KCTD8: variants seen among roughly 807,000 people sequenced by gnomAD.
KCTD8 encodes BTB/POZ domain-containing protein KCTD8.
KCTD8 carries 27 observed loss-of-function variants against 31.5 expected under a neutral mutation model. The observed-to-expected ratio is 0.86, with a 90% CI of 0.63 to 1.18. The LOEUF is 1.18. KCTD8 is among the 50% of genes most tolerant of loss of function. The pLI is 0.00. For missense variants in KCTD8, 658 were observed against 647.7 expected (o/e 1.02, Z -0.17); for synonymous variants, 290 against 280.0 (o/e 1.04, Z -0.36).
chr4:44,378,529 T>C (rs1266037789), intron 1 of KCTD8, among the ~76,000 whole-genome samples: 1 of 152,086 alleles, frequency 6.6e-6, no homozygotes. Context: ...TAACTGAATG[T>C]ATCACCTATC....
At chr4:44,282,839 G>T (rs569071626) in intron 1 of KCTD8, among the ~76,000 whole-genome samples, 9 of 152,112 alleles carry the variant, frequency 5.9e-5, no homozygotes, top group African/African-American at 1.7e-4. Context: ...GCTGAGAGAG[G>T]TGAGAAAGCT....
chr4:44,221,459 A>G (rs1228737775), intron 1 of KCTD8, among the ~76,000 whole-genome samples: 1 of 151,898 alleles, frequency 6.6e-6, no homozygotes, highest in African/African-American at 2.4e-5. Context: ...TATGAAAGGG[A>G]GTTTATTAAG....
At chr4:44,250,550 C>A (rs765577765) in intron 1 of KCTD8, among the ~76,000 whole-genome samples, 1 of 151,738 alleles carries the variant, frequency 6.6e-6, no homozygotes, top group African/African-American at 2.4e-5. Flanking sequence ...GAGATAGAAC[C>A]AGAATCTGCA....
chr4:44,436,141 G>A (rs1484646329), intron 1 of KCTD8, among the ~76,000 whole-genome samples: 1 of 152,074 alleles, frequency 6.6e-6, no homozygotes, highest in Non-Finnish European at 1.5e-5. Flanking sequence ...GGGCAAATTG[G>A]CACAGAATCA....
rs1714300097 is a variant in KCTD8 at position 44,206,182 on chromosome 4, A to C, written c.962-30932T>G. 2.0e-5 allele frequency among the ~76,000 whole-genome samples: 3 copies of C among 152,166 alleles called. No homozygotes were observed. The South Asian group carries it at 6.2e-4, about 31-fold the overall frequency. On this transcript the variant is annotated intron_variant, in intron 1 of 1. Coordinates refer to ENST00000360029, the MANE Select transcript of KCTD8 (RefSeq NM_198353.3). ...AACAAGAGCCCTGGCTTTAAGTCTC[A>C]GATTTGCTAACAAGTGGAGTTATCT...
intron 1 of KCTD8, among the ~76,000 whole-genome samples, chr4:44,362,364 A>G (rs1719519854): frequency 6.6e-6 from 1 of 152,140 alleles, no homozygotes; most frequent in Non-Finnish European, 1.5e-5. Flanking sequence ...TTCTGGTAAT[A>G]CTTCAACTTG....
chr4:44,364,914 G>C (rs78890080), intron 1 of KCTD8, among the ~76,000 whole-genome samples: 13,800 of 151,912 alleles, frequency 0.091, 665 homozygotes, highest in Middle Eastern at 0.13. Context: ...GGGAGTGAGG[G>C]AAGAAGGAGA....
chr4:44,335,754 T>C (rs1010818720), intron 1 of KCTD8, among the ~76,000 whole-genome samples: 5 of 152,078 alleles, frequency 3.3e-5, no homozygotes, highest in African/African-American at 4.8e-5. Flanking sequence ...ACAATATAGA[T>C]ACAGATACAA....
rs1577674326 is a variant in KCTD8 at position 44,443,164 on chromosome 4, A to G, written c.961+4399T>C. The stretch of plus-strand genomic sequence containing the variant: ...CTTTTGCTTATTCCTCACTAATTCA[A>G]AAGTCATTCAGCCATGTGGCTGCAG... On this transcript the variant is annotated intron_variant, in intron 1 of 1. Coordinates refer to ENST00000360029, the MANE Select transcript of KCTD8 (RefSeq NM_198353.3). 2.6e-5 allele frequency among the ~76,000 whole-genome samples: 4 copies of G among 152,352 alleles called. No homozygotes were observed. The East Asian group carries it at 7.7e-4, about 29-fold the overall frequency.
chr4:44,292,069 G>A (rs1352190181), intron 1 of KCTD8, among the ~76,000 whole-genome samples: 4 of 151,274 alleles, frequency 2.6e-5, no homozygotes, highest in African/African-American at 4.9e-5. Flanking sequence ...AAAGCAGTAC[G>A]CAGATTTAGT....
intron 1 of KCTD8, among the ~76,000 whole-genome samples, chr4:44,354,883 T>C (rs1399090618): frequency 6.6e-6 from 1 of 152,124 alleles, no homozygotes; most frequent in Non-Finnish European, 1.5e-5. Flanking sequence ...TAGTATGTAT[T>C]CCCAATCTGA....
chr4:44,240,875 A>C (rs914221771), intron 1 of KCTD8, among the ~76,000 whole-genome samples: 1 of 152,190 alleles, frequency 6.6e-6, no homozygotes, highest in Non-Finnish European at 1.5e-5. Context: ...GTATAAAATA[A>C]ATGGGAATTT....
intron 1 of KCTD8, among the ~76,000 whole-genome samples, chr4:44,337,595 A>G (rs549670944): frequency 2.6e-5 from 4 of 151,644 alleles, no homozygotes; most frequent in Admixed American, 2.6e-4. Context: ...AATCGTTTGA[A>G]TCCGGGAGGA....
intron 1 of KCTD8, among the ~76,000 whole-genome samples, chr4:44,362,819 C>T (rs1213372897): frequency 6.8e-6 from 1 of 147,150 alleles, no homozygotes; most frequent in Non-Finnish European, 1.5e-5. Context: ...CCATTTAGGA[C>T]CAAAAAAAAA....
At chr4:44,184,813 CCCA>C (rs1376085407) in intron 1 of KCTD8, among the ~76,000 whole-genome samples, 4 of 152,124 alleles carry the variant, frequency 2.6e-5, no homozygotes, top group African/African-American at 9.7e-5. Context: ...TAAGAATGCT[CCCA>C]CCACCCACAC....
At chr4:44,254,446 T>C (rs1322420390) in intron 1 of KCTD8, among the ~76,000 whole-genome samples, 3 of 151,922 alleles carry the variant, frequency 2.0e-5, no homozygotes, top group South Asian at 2.1e-4. Context: ...CTAAGTCTTA[T>C]AGGGTCTTAA....
chr4:44,278,376 G>A (rs1016984509), intron 1 of KCTD8, among the ~76,000 whole-genome samples: 1 of 151,788 alleles, frequency 6.6e-6, no homozygotes, highest in Admixed American at 6.6e-5. Flanking sequence ...GTCTATTCCT[G>A]TGGCAGGAAA....
At chr4:44,271,417 A>T (rs916902807) in intron 1 of KCTD8, among the ~76,000 whole-genome samples, 6 of 152,138 alleles carry the variant, frequency 3.9e-5, no homozygotes, top group Non-Finnish European at 7.4e-5. Context: ...CGGGCTCTGG[A>T]CTCAGACTTC....
At chr4:44,332,695 CTCTT>C (rs1718619426) in intron 1 of KCTD8, among the ~76,000 whole-genome samples, 2 of 151,910 alleles carry the variant, frequency 1.3e-5, no homozygotes, top group South Asian at 2.1e-4. Flanking sequence ...ACTCTATTAT[CTCTT>C]TCTTTTTTTA....
Sources: gnomAD v4.1 joint callset for allele counts (sites outside exome capture counted in the v4.1 genomes callset) on GRCh38, gnomAD v4.1.1 for gene constraint, MANE v1.5 for transcripts, NCBI Gene and HGNC (gene_info 2026-07-23, HGNC 2026-07-21) for gene names.